ADIPOR2: variants seen among roughly 807,000 people sequenced by gnomAD.
The protein encoded by ADIPOR2 is adiponectin receptor protein 2.
A neutral mutation model predicts 40.9 loss-of-function variants in ADIPOR2; 18 were observed. The ratio of observed to expected loss-of-function variants is 0.44; its 90% CI spans 0.30 to 0.65. The LOEUF (loss-of-function observed/expected upper bound fraction) is 0.65, where lower values mean the gene tolerates loss of function less well. Among genes scored for constraint, ADIPOR2 ranks in the 30% least tolerant of loss-of-function variants. The pLI is 0.09. For missense variants in ADIPOR2, 283 were observed against 479.2 expected, an observed-to-expected ratio of 0.59 and a Z score of 3.82; for synonymous variants, 165 against 166.4, an observed-to-expected ratio of 0.99 and a Z score of 0.06.
chr12:1,776,696 G>A (rs773441074), intron 3 of ADIPOR2, among the ~76,000 whole-genome samples: 1 of 152,132 alleles, frequency 6.6e-6, no homozygotes, highest in Non-Finnish European at 1.5e-5. Context: ...ATGAGGAAAC[G>A]GGAGGAAAGG....
chr12:1,723,827 A>G (rs146825607), intron 1 of ADIPOR2, among the ~76,000 whole-genome samples: 78 of 152,298 alleles, frequency 5.1e-4, no homozygotes, highest in African/African-American at 1.8e-3. Context: ...ACTTCTGGGT[A>G]TATACTCAAA....
intron 1 of ADIPOR2, among the ~76,000 whole-genome samples, chr12:1,741,390 T>G (rs1045887498): frequency 1.3e-5 from 2 of 152,090 alleles, no homozygotes; most frequent in Non-Finnish European, 2.9e-5. Flanking sequence ...AGAGATATTT[T>G]GGGAGATAAA....
intron 6 of ADIPOR2, 122 bp from the exon 7 acceptor site, chr12:1,783,758 C>A (rs940581300): frequency 6.1e-6 from 5 of 817,952 alleles, no homozygotes; most frequent in Admixed American, 3.5e-5. Context: ...AAACTGGAAG[C>A]TAATTTTATA....
intron 1 of ADIPOR2, 36 bp from the exon 2 acceptor site, chr12:1,754,222 C>G (rs1320440346): frequency 4.2e-6 from 4 of 958,096 alleles, no homozygotes; most frequent in Non-Finnish European, 5.9e-6. Flanking sequence ...CCCAGCACTC[C>G]TTTAATGCAT....
chr12:1,771,638 C>T (rs902593612), intron 2 of ADIPOR2, among the ~76,000 whole-genome samples: 6 of 152,116 alleles, frequency 3.9e-5, no homozygotes, highest in Non-Finnish European at 7.3e-5. Context: ...GCATCATAGC[C>T]TCTAGTTAGT....
intron 1 of ADIPOR2, among the ~76,000 whole-genome samples, chr12:1,720,648 G>C (rs914662779): frequency 6.6e-6 from 1 of 152,146 alleles, no homozygotes; most frequent in Non-Finnish European, 1.5e-5. Flanking sequence ...GCGGAGCTCA[G>C]GTGGTAATGC....
intron 2 of ADIPOR2, among the ~76,000 whole-genome samples, chr12:1,771,505 T>C (rs938084087): frequency 6.6e-6 from 1 of 152,138 alleles, no homozygotes; most frequent in African/African-American, 2.4e-5. Flanking sequence ...GGTTAGTCAT[T>C]GAAGGATAGA....
intron 1 of ADIPOR2, among the ~76,000 whole-genome samples, chr12:1,720,320 C>A (rs1733092359): frequency 6.6e-6 from 1 of 152,108 alleles, no homozygotes; most frequent in African/African-American, 2.4e-5. Context: ...TCATGGAAGA[C>A]AATTTTTCCA....
rs371696968 is a variant in ADIPOR2, at chr12:1,726,447, G to T, written c.-86-27811G>T. ...TCCTGCCCTCAGGTTATCTGCCTGT[G>T]TTGGCCTCCCAAAGTGCTGGGATTA... On this transcript the variant is annotated intron_variant, in intron 1 of 7. Coordinates refer to ENST00000357103, the MANE Select transcript of ADIPOR2 (RefSeq NM_024551.3). Among the ~76,000 whole-genome samples, 40 of 152,212 alleles carry T rather than the reference G, an allele frequency of 2.6e-4. 1 individual carries two copies. The East Asian group carries it at 7.3e-3, about 28-fold the overall frequency.
intron 1 of ADIPOR2, among the ~76,000 whole-genome samples, chr12:1,700,777 G>T (rs2094648490): frequency 7.6e-6 from 1 of 131,744 alleles, no homozygotes; most frequent in Admixed American, 8.4e-5. Context: ...CTGTTTTGTT[G>T]TTGTTAGTGG....
intron 1 of ADIPOR2, among the ~76,000 whole-genome samples, chr12:1,704,158 T>C (rs190517578): frequency 3.0e-4 from 45 of 151,828 alleles, no homozygotes; most frequent in Admixed American, 4.6e-4. Flanking sequence ...ACAGAGTGTT[T>C]TGAATTTTTG....
At chr12:1,708,630 C>CG (rs2094668802) in intron 1 of ADIPOR2, among the ~76,000 whole-genome samples, 1 of 152,086 alleles carries the variant, frequency 6.6e-6, no homozygotes, top group South Asian at 2.1e-4. Context: ...AAAGACTATC[C>CG]TTTCCTCATT....
At chr12:1,713,495 G>A (rs2094681644) in intron 1 of ADIPOR2, among the ~76,000 whole-genome samples, 1 of 151,992 alleles carries the variant, frequency 6.6e-6, no homozygotes, top group East Asian at 1.9e-4. Context: ...AAAAAGTGGT[G>A]GGATCTTTTA....
intron 1 of ADIPOR2, among the ~76,000 whole-genome samples, chr12:1,727,329 T>C (rs559251346): frequency 1.1e-4 from 16 of 152,320 alleles, no homozygotes; most frequent in African/African-American, 3.8e-4. Context: ...AATTTTGAAA[T>C]AAGTCATTGT....
chr12:1,729,223 TA>T (rs1439129574), intron 1 of ADIPOR2, among the ~76,000 whole-genome samples: 1 of 152,132 alleles, frequency 6.6e-6, no homozygotes, highest in East Asian at 1.9e-4. Context: ...TTCCTAGAAC[TA>T]TATTGTAATA....
rs60914975 is a variant in ADIPOR2 at position 1,707,412 on chromosome 12, CTT to C, written c.-87+16232_-87+16233del. Among the ~76,000 whole-genome samples the C allele has an allele frequency of 1.4e-3, 205 of 148,148 alleles. 2 individuals are homozygous for C. The highest frequency in any genetic ancestry group is 3.2e-3 in the African/African-American group (131 of 40,576). ...TTATATGCTGTGTTTTTAATTTTAACTTTTTTTTTTTTAGTGTGAATTGATAT... is the reference window on the plus strand; with the variant it reads ...TTATATGCTGTGTTTTTAATTTTAACTTTTTTTTTTAGTGTGAATTGATAT... On this transcript the variant is annotated intron_variant, in intron 1 of 7. Transcript: ENST00000357103.
At chr12:1,729,500 A>G (rs1454415699) in intron 1 of ADIPOR2, among the ~76,000 whole-genome samples, 1 of 151,448 alleles carries the variant, frequency 6.6e-6, no homozygotes, top group East Asian at 1.9e-4. Context: ...ATTTTTAGAA[A>G]CAGGGTCTTA....
At chr12:1,743,272 A>G (rs920301098) in intron 1 of ADIPOR2, among the ~76,000 whole-genome samples, 4 of 140,846 alleles carry the variant, frequency 2.8e-5, no homozygotes, top group Non-Finnish European at 4.6e-5. Context: ...AGATTGTGCC[A>G]CTGCACTCCA....
chr12:1,745,468 GT>G lies in ADIPOR2; in HGVS notation c.-86-8789del, dbSNP rs1429477612. Among the ~76,000 whole-genome samples the G allele has an allele frequency of 3.3e-5, 5 of 152,128 alleles. No homozygotes were observed. In the East Asian group the frequency reaches 9.6e-4, roughly 29 times the overall value. On this transcript the variant is annotated intron_variant, in intron 1 of 7. Coordinates refer to ENST00000357103, the MANE Select transcript of ADIPOR2 (RefSeq NM_024551.3). ...TTGTATACGCTGAATGAATTTATAT[GT>G]CTATGGTATTGGCTGTTGTTTGTGC... is the stretch of plus-strand genomic sequence containing the variant.
Sources: gnomAD v4.1 joint callset for allele counts (sites outside exome capture counted in the v4.1 genomes callset) on GRCh38, gnomAD v4.1.1 for gene constraint, MANE v1.5 for transcripts, NCBI Gene and HGNC (gene_info 2026-07-23, HGNC 2026-07-21) for gene names.